Variants in STARD13 observed in about 807,000 individuals in gnomAD.
STARD13 encodes the protein StAR related lipid transfer domain containing 13.
In STARD13, 62 loss-of-function variants were observed where a neutral mutation model predicts 106.4. The ratio of observed to expected loss-of-function variants is 0.58; its 90% CI spans 0.48 to 0.72. The LOEUF (loss-of-function observed/expected upper bound fraction) is 0.72. Ranked by LOEUF, STARD13 falls within the 30% of genes least tolerant of loss-of-function variation. The pLI, the probability that STARD13 is intolerant of heterozygous loss-of-function variation, is 0.00. For synonymous variants in STARD13, 565 were observed against 553.0 expected (o/e 1.02, Z -0.31); for missense variants, 1,387 against 1,424.0 (o/e 0.97, Z 0.42).
the STARD13 span, among the ~76,000 whole-genome samples, chr13:33,469,944 A>G: frequency 6.6e-6 from 1 of 152,106 alleles, no homozygotes; most frequent in Non-Finnish European, 1.5e-5. Context: ...TTTGGGGTAC[A>G]TGTGCAAAAC....
chr13:33,236,392 C>T (rs1038829954), intron 1 of STARD13, among the ~76,000 whole-genome samples: 11 of 152,148 alleles, frequency 7.2e-5, no homozygotes, highest in Non-Finnish European at 8.8e-5. Flanking sequence ...TCCCTGGGTT[C>T]GGTGGAAACG....
chr13:33,481,269 C>T, the STARD13 span, among the ~76,000 whole-genome samples: 2 of 151,892 alleles, frequency 1.3e-5, no homozygotes, highest in African/African-American at 4.8e-5. Flanking sequence ...AAATATACTG[C>T]ACTAATTCTG....
At chr13:33,534,581 T>C in the STARD13 span, among the ~76,000 whole-genome samples, 2 of 152,230 alleles carry the variant, frequency 1.3e-5, no homozygotes, top group Non-Finnish European at 2.9e-5. Context: ...GATCATGTAC[T>C]ATGTTAAGCA....
the STARD13 span, among the ~76,000 whole-genome samples, chr13:33,631,925 T>A: frequency 6.6e-6 from 1 of 152,104 alleles, no homozygotes; most frequent in South Asian, 2.1e-4. Context: ...TCCACTAAAT[T>A]TGAAATAAGA....
At chr13:33,181,458 G>T (rs1003815105) in intron 1 of STARD13, among the ~76,000 whole-genome samples, 8 of 152,164 alleles carry the variant, frequency 5.3e-5, no homozygotes, top group Non-Finnish European at 2.9e-5. Flanking sequence ...TTAGCCTAGA[G>T]TCTTGTAAAT....
intron 3 of STARD13, among the ~76,000 whole-genome samples, chr13:33,163,147 T>C (rs1882831482): frequency 6.6e-6 from 1 of 152,106 alleles, no homozygotes; most frequent in African/African-American, 2.4e-5. Context: ...ATGAGACATA[T>C]TCACTACCAT....
chr13:33,143,533 G>T (rs1339404280), intron 3 of STARD13, among the ~76,000 whole-genome samples: 1 of 152,098 alleles, frequency 6.6e-6, no homozygotes, highest in African/African-American at 2.4e-5. Context: ...CATTTGAGCT[G>T]TTTCCAGTCG....
chr13:33,285,633 G>A lies in STARD13; in HGVS notation c.6C>T (p.Phe2=), dbSNP rs751975733. M[F]SQVPRTPASG... ...AGGCTGGGGTCCTGGGCACCTGACT[G>A]AACATCTCGGCAGATTTCCTATTGC... Residue 2 remains phenylalanine (F), a synonymous_variant, in exon 1 of 14, where the codon TTC becomes TTT. Coordinates refer to ENST00000336934, the MANE Select transcript of STARD13 (RefSeq NM_178006.4). The A allele has an allele frequency of 2.5e-5, 40 of 1,612,662 alleles. No homozygotes were observed. In the South Asian group the frequency reaches 3.6e-4, roughly 15 times the overall value.
At chr13:33,141,184 T>C (rs1879777331) in intron 4 of STARD13, among the ~76,000 whole-genome samples, 1 of 152,212 alleles carries the variant, frequency 6.6e-6, no homozygotes. Flanking sequence ...CTGAATTTCC[T>C]AAAAAGAATC....
chr13:33,586,704 C>A, the STARD13 span, among the ~76,000 whole-genome samples: 2 of 151,862 alleles, frequency 1.3e-5, no homozygotes, highest in African/African-American at 4.8e-5. Flanking sequence ...ACTATATGAC[C>A]AAAGTCTTGC....
At chr13:33,403,235 G>C in the STARD13 span, among the ~76,000 whole-genome samples, 1 of 152,208 alleles carries the variant, frequency 6.6e-6, no homozygotes, top group African/African-American at 2.4e-5. Flanking sequence ...CCACACCCCT[G>C]CTGCACATCC....
chr13:33,184,150 C>G (rs1027660713), intron 1 of STARD13, among the ~76,000 whole-genome samples: 4 of 152,124 alleles, frequency 2.6e-5, no homozygotes, highest in Admixed American at 6.5e-5. Flanking sequence ...TTCCTGAACC[C>G]TTCTGATAAT....
the STARD13 span, among the ~76,000 whole-genome samples, chr13:33,609,105 A>AAAAAAAAGAAAG: frequency 7.5e-6 from 1 of 133,168 alleles, no homozygotes; most frequent in African/African-American, 3.3e-5. Flanking sequence ...AAAAAAAAAA[A>AAAAAAAAGAAAG]AAATATTGAT....
the STARD13 span, among the ~76,000 whole-genome samples, chr13:33,391,870 A>G: frequency 6.6e-6 from 1 of 152,146 alleles, no homozygotes; most frequent in South Asian, 2.1e-4. Flanking sequence ...TGGGATACCA[A>G]AGAAAGATTT....
the STARD13 span, among the ~76,000 whole-genome samples, chr13:33,539,745 T>G: frequency 6.6e-6 from 1 of 152,226 alleles, no homozygotes; most frequent in Admixed American, 6.5e-5. Context: ...ATAAGATATA[T>G]TGTGAATCTC....
At chr13:33,439,836 G>A in the STARD13 span, 19 of 416,880 alleles carry the variant, frequency 4.6e-5, no homozygotes, top group East Asian at 3.7e-4. Flanking sequence ...ATGGCCTCCA[G>A]AAATGAAAAT....
intron 1 of STARD13, among the ~76,000 whole-genome samples, chr13:33,191,341 C>A (rs1886245074): frequency 6.6e-6 from 1 of 152,204 alleles, no homozygotes; most frequent in South Asian, 2.1e-4. Context: ...TGACCTTGGG[C>A]ACAAAACTTT....
At chr13:33,454,795 G>A in the STARD13 span, among the ~76,000 whole-genome samples, 2 of 152,174 alleles carry the variant, frequency 1.3e-5, no homozygotes, top group Non-Finnish European at 1.5e-5. Context: ...GGGGAGCAAG[G>A]CCAGATTAGA....
chr13:33,139,347 G>A (rs1278374804), intron 4 of STARD13, among the ~76,000 whole-genome samples: 1 of 152,206 alleles, frequency 6.6e-6, no homozygotes, highest in Non-Finnish European at 1.5e-5. Flanking sequence ...TTCAATTTAT[G>A]CAACTGTGAC....
Sources: allele counts gnomAD v4.1 joint callset (sites outside exome capture counted in the v4.1 genomes callset), GRCh38; gene constraint gnomAD v4.1.1; transcripts MANE v1.5; gene names NCBI Gene and HGNC (gene_info 2026-07-23, HGNC 2026-07-21).